MGAT4A: variants seen among roughly 807,000 people sequenced by gnomAD.
MGAT4A encodes N-acetylglucosaminyltransferase IVa.
MGAT4A carries 33 observed loss-of-function variants against 74.1 expected under a neutral mutation model. The ratio of observed to expected loss-of-function variants is 0.45; its 90% CI spans 0.34 to 0.60. The LOEUF (loss-of-function observed/expected upper bound fraction) is 0.60. MGAT4A is among the 20% of genes least tolerant of loss of function. The pLI is 0.02. For missense variants in MGAT4A, 479 were observed against 628.3 expected (o/e 0.76, Z 2.54); for synonymous variants, 198 against 210.4 (o/e 0.94, Z 0.51).
chr2:98,695,069 C>T (rs1702250778), intron 2 of MGAT4A: 1 of 118,310 alleles, frequency 8.5e-6, no homozygotes, highest in Admixed American at 1.1e-4. Context: ...CAGAGTCTTG[C>T]TCTGTCTCCT....
At chr2:98,689,718 G>A (rs1702170335) in intron 2 of MGAT4A, among the ~76,000 whole-genome samples, 1 of 152,196 alleles carries the variant, frequency 6.6e-6, no homozygotes, top group South Asian at 2.1e-4. Context: ...AGCTACTCGG[G>A]AGGCTGAGGT....
intron 2 of MGAT4A, among the ~76,000 whole-genome samples, chr2:98,716,959 C>T (rs1359695575): frequency 6.6e-6 from 1 of 152,136 alleles, no homozygotes; most frequent in African/African-American, 2.4e-5. Flanking sequence ...TGGACCTAAC[C>T]ACATTTTCCA....
intron 2 of MGAT4A, among the ~76,000 whole-genome samples, chr2:98,712,792 T>C (rs559132429): frequency 1.7e-4 from 26 of 152,338 alleles, no homozygotes; most frequent in African/African-American, 6.3e-4. Flanking sequence ...CTTTACCAAA[T>C]GAATACTGAC....
At chr2:98,711,870 T>G (rs1372805784) in intron 2 of MGAT4A, among the ~76,000 whole-genome samples, 1 of 152,196 alleles carries the variant, frequency 6.6e-6, no homozygotes, top group Non-Finnish European at 1.5e-5. Context: ...GGGATCCTCC[T>G]GCCTCAACTT....
chr2:98,712,179 T>TC (rs1702527610), intron 2 of MGAT4A, among the ~76,000 whole-genome samples: 2 of 152,132 alleles, frequency 1.3e-5, no homozygotes, highest in African/African-American at 4.8e-5. Context: ...ACATCCACCT[T>TC]CCCTATTAAC....
chr2:98,634,080 GA>G (rs1389810582), intron 14 of MGAT4A, among the ~76,000 whole-genome samples: 1 of 152,186 alleles, frequency 6.6e-6, no homozygotes, highest in Non-Finnish European at 1.5e-5. Flanking sequence ...AATACTAAGA[GA>G]AGCATTCATT....
chr2:98,664,931 G>A (rs1249877834), intron 4 of MGAT4A, among the ~76,000 whole-genome samples: 2 of 152,028 alleles, frequency 1.3e-5, no homozygotes, highest in African/African-American at 2.4e-5. Context: ...GTCTTAGTAC[G>A]CTATGTATCA....
chr2:98,676,349 A>C (rs1486028812), intron 3 of MGAT4A, among the ~76,000 whole-genome samples: 1 of 152,218 alleles, frequency 6.6e-6, no homozygotes, highest in African/African-American at 2.4e-5. Context: ...TAAATGTTCC[A>C]ACTATTCAAA....
rs745961278 is a variant in MGAT4A, at chr2:98,656,465, T to C, written c.585A>G (p.Glu195=). Residue 195 remains glutamate (E), a splice_region_variant and synonymous_variant, in exon 7 of 16, where the codon GAA becomes GAG. Coordinates refer to ENST00000393487, the MANE Select transcript of MGAT4A (RefSeq NM_012214.3). ...AGCCAGAACTGATTTCTTTAGAAAA[T>C]CTATTATGAGAAAGTTAGCTGAGTT... ...VHGVVANLEK[E]FSKEISSGLV... The C allele has an allele frequency of 1.9e-6, 3 of 1,585,380 alleles. No individual in the cohort carries two copies. The highest frequency in any genetic ancestry group is 2.3e-5 in the South Asian group (2 of 87,666).
chr2:98,695,886 T>TC (rs1156633185), intron 2 of MGAT4A, among the ~76,000 whole-genome samples: 2 of 151,474 alleles, frequency 1.3e-5, no homozygotes, highest in African/African-American at 4.9e-5. Flanking sequence ...TTCTTTTTTT[T>TC]TTTTTTTTTT....
chr2:98,684,844 A>G (rs946204070), intron 2 of MGAT4A, among the ~76,000 whole-genome samples: 3 of 152,200 alleles, frequency 2.0e-5, no homozygotes, highest in Admixed American at 6.5e-5. Context: ...TTTGTATTGA[A>G]ACAAAAACTA....
intron 1 of MGAT4A, among the ~76,000 whole-genome samples, chr2:98,728,340 C>A (rs1462850930): frequency 2.0e-5 from 3 of 152,200 alleles, no homozygotes; most frequent in Non-Finnish European, 4.4e-5. Flanking sequence ...ACAAAGAGAT[C>A]TAAAAATATT....
At chr2:98,675,641 G>C (rs1170294483) in intron 3 of MGAT4A, among the ~76,000 whole-genome samples, 1 of 151,040 alleles carries the variant, frequency 6.6e-6, no homozygotes, top group Non-Finnish European at 1.5e-5. Flanking sequence ...TGACCTCCCA[G>C]GCTCAAGAGA....
chr2:98,680,927 A>G (rs911325554), intron 2 of MGAT4A, among the ~76,000 whole-genome samples: 3 of 152,238 alleles, frequency 2.0e-5, no homozygotes, highest in African/African-American at 7.2e-5. Context: ...AGTCTTACAA[A>G]AAGATTAATT....
chr2:98,640,831 A>G (rs1463487043), intron 10 of MGAT4A, among the ~76,000 whole-genome samples: 2 of 152,196 alleles, frequency 1.3e-5, no homozygotes, highest in African/African-American at 2.4e-5. Flanking sequence ...TTGACTTTTA[A>G]TATTAAAATG....
At chr2:98,675,701 C>A (rs1452469599) in intron 3 of MGAT4A, among the ~76,000 whole-genome samples, 1 of 152,016 alleles carries the variant, frequency 6.6e-6, no homozygotes, top group Admixed American at 6.6e-5. Context: ...GCACATGCTA[C>A]CACATCAGCT....
intron 3 of MGAT4A, among the ~76,000 whole-genome samples, chr2:98,678,023 A>G (rs1702001243): frequency 6.6e-6 from 1 of 150,552 alleles, no homozygotes; most frequent in African/African-American, 2.4e-5. Flanking sequence ...AGGTCAGGAG[A>G]TCAAGACCAT....
intron 2 of MGAT4A, among the ~76,000 whole-genome samples, chr2:98,708,922 C>T (rs575135978): frequency 6.6e-6 from 1 of 152,180 alleles, no homozygotes; most frequent in Non-Finnish European, 1.5e-5. Flanking sequence ...ACGTGAGCAT[C>T]CCAGAAGCTC....
At position 98,701,095 on chromosome 2, in the gene MGAT4A, C is replaced by G. The variant is rs141081236; in HGVS notation, c.95-22624G>C. Among the ~76,000 whole-genome samples the G allele has an allele frequency of 2.5e-3, 379 of 152,262 alleles. 3 individuals carry two copies. The highest frequency in any genetic ancestry group is 8.8e-3 in the African/African-American group (364 of 41,538). On this transcript the variant is annotated intron_variant, in intron 2 of 15. Transcript: ENST00000393487. Reference sequence around the variant, plus strand: ...AAGGCTATTATAAAAATGGTCTTCACTTCATGAACCTCCTGAAAGGGTCTA... The same window carrying G: ...AAGGCTATTATAAAAATGGTCTTCAGTTCATGAACCTCCTGAAAGGGTCTA...
Sources: gnomAD v4.1 joint callset for allele counts (sites outside exome capture counted in the v4.1 genomes callset) on GRCh38, gnomAD v4.1.1 for gene constraint, MANE v1.5 for transcripts, NCBI Gene and HGNC (gene_info 2026-07-23, HGNC 2026-07-21) for gene names.